The following FBXO36 variants were observed in gnomAD, a reference collection of about 807,000 sequenced individuals.
The protein encoded by FBXO36 is F-box only protein 36.
Under a neutral mutation model 17.0 loss-of-function variants are expected in FBXO36, and 18 were observed. The ratio of observed to expected loss-of-function variants is 1.06; its 90% confidence interval spans 0.73 to 1.57. The LOEUF (loss-of-function observed/expected upper bound fraction) is 1.57, where lower values mean the gene tolerates loss of function less well. Among genes scored for constraint, FBXO36 ranks in the 40% most tolerant of loss-of-function variants. The pLI is 0.00. For missense variants in FBXO36, 229 were observed against 221.9 expected (o/e 1.03, Z -0.20); for synonymous variants, 83 against 85.3 (o/e 0.97, Z 0.15).
intron 1 of FBXO36, among the ~76,000 whole-genome samples, chr2:229,933,125 C>T (rs572881556): frequency 5.3e-5 from 8 of 152,050 alleles, no homozygotes; most frequent in Non-Finnish European, 1.0e-4. Flanking sequence ...AGGCTGGGCA[C>T]GGTGGCTCAC....
Position 230,008,312 on chromosome 2 carries a change from C to T in FBXO36, c.379-2384C>T, listed in dbSNP as rs575224919. Among the ~76,000 whole-genome samples the T allele has an allele frequency of 2.4e-4, 36 of 152,238 alleles. No homozygotes were observed. In the East Asian group the frequency reaches 5.0e-3, roughly 21 times the overall value. On this transcript the variant is annotated intron_variant, in intron 3 of 3. Coordinates refer to ENST00000283946, the MANE Select transcript of FBXO36 (RefSeq NM_174899.5). ...TTTTAAATAGATAAGCCCTAAGATT[C>T]TCTTCAACTTGACAATTTATGTATG...
chr2:229,973,956 G>A (rs1017391605), intron 1 of FBXO36, among the ~76,000 whole-genome samples: 4 of 151,476 alleles, frequency 2.6e-5, no homozygotes, highest in African/African-American at 9.7e-5. Flanking sequence ...AGGCTGAGAT[G>A]AGAGAATCAC....
At chr2:229,935,005 A>G (rs887989254) in intron 1 of FBXO36, among the ~76,000 whole-genome samples, 5 of 152,174 alleles carry the variant, frequency 3.3e-5, no homozygotes, top group Admixed American at 3.3e-4. Flanking sequence ...CCTCCTCTTT[A>G]GAAATATTTT....
intron 1 of FBXO36, among the ~76,000 whole-genome samples, chr2:229,936,850 G>A (rs935416505): frequency 3.3e-5 from 5 of 152,148 alleles, no homozygotes; most frequent in African/African-American, 1.2e-4. Flanking sequence ...CAGCCTGGGT[G>A]ACAGATCAAG....
At position 229,963,444 on chromosome 2, in the gene FBXO36, C is replaced by CTT. The variant is rs757351541; in HGVS notation, c.97-12781_97-12780dup. 2.4e-3 allele frequency among the ~76,000 whole-genome samples: 310 copies of CTT among 129,210 alleles called. 4 individuals carry two copies. The highest frequency in any genetic ancestry group is 8.7e-3 in the African/African-American group (291 of 33,518). The allele number at this position is 129,210 out of a possible 152,430, so 84.8% of individuals were successfully genotyped here. ...CATGTATCCTTTGCATTTCTTTTTT[C>CTT]TTTTTTTTTTTTTTTTTCGAGGCGG... is the stretch of plus-strand genomic sequence containing the variant. On this transcript the variant is annotated intron_variant, in intron 1 of 3. Transcript: ENST00000283946.
intron 1 of FBXO36, among the ~76,000 whole-genome samples, chr2:229,948,034 C>A (rs2077036559): frequency 6.6e-6 from 1 of 151,900 alleles, no homozygotes; most frequent in African/African-American, 2.4e-5. Context: ...TGTGGTGGCT[C>A]ACGCCATTAA....
At chr2:229,922,685 C>A in intron 1 of FBXO36, 76 bp downstream of exon 1, 1 of 1,495,376 alleles carries the variant, frequency 6.7e-7, no homozygotes, top group Non-Finnish European at 9.2e-7. Flanking sequence ...GCAGGCTGTG[C>A]TAGGCCAAGA....
intron 1 of FBXO36, among the ~76,000 whole-genome samples, chr2:229,924,794 C>T (rs2154386816): frequency 6.6e-6 from 1 of 151,056 alleles, no homozygotes; most frequent in African/African-American, 2.4e-5. Context: ...TTTGAGGCAG[C>T]GTCTCGCACT....
At chr2:229,969,674 ACT>A (rs1212302252) in intron 1 of FBXO36, among the ~76,000 whole-genome samples, 2 of 152,018 alleles carry the variant, frequency 1.3e-5, no homozygotes, top group East Asian at 3.9e-4. Flanking sequence ...GGTGACAGAG[ACT>A]CTGTCTCAGA....
chr2:229,978,310 C>T (rs569523447), intron 2 of FBXO36, among the ~76,000 whole-genome samples: 9 of 149,496 alleles, frequency 6.0e-5, no homozygotes, highest in South Asian at 4.3e-4. Context: ...TAGCTGGGCA[C>T]GGTGGCTCAC....
At chr2:229,992,054 T>C (rs564942941) in intron 2 of FBXO36, among the ~76,000 whole-genome samples, 2 of 152,316 alleles carry the variant, frequency 1.3e-5, no homozygotes, top group South Asian at 4.1e-4. Context: ...TTTTCTCTTA[T>C]CTTTTACTTT....
At chr2:229,950,113 G>A (rs1286563579) in intron 1 of FBXO36, among the ~76,000 whole-genome samples, 2 of 152,084 alleles carry the variant, frequency 1.3e-5, no homozygotes, top group African/African-American at 4.8e-5. Context: ...CAAGAGCAGT[G>A]AGACCAGGAG....
chr2:229,963,761 A>G (rs1249231791), intron 1 of FBXO36, among the ~76,000 whole-genome samples: 1 of 152,088 alleles, frequency 6.6e-6, no homozygotes, highest in East Asian at 1.9e-4. Context: ...TGTGTTTCTT[A>G]TGTGTGGCAC....
chr2:229,970,755 T>A (rs751277606), intron 1 of FBXO36, among the ~76,000 whole-genome samples: 23 of 152,200 alleles, frequency 1.5e-4, no homozygotes, highest in Admixed American at 3.9e-4. Context: ...ACTTATATTT[T>A]CCTTTTTTAG....
intron 1 of FBXO36, among the ~76,000 whole-genome samples, chr2:229,928,262 C>G (rs1041287613): frequency 1.3e-5 from 2 of 152,154 alleles, no homozygotes; most frequent in Non-Finnish European, 2.9e-5. Flanking sequence ...CAAATAAAAT[C>G]TTTAGCAAGA....
At chr2:229,925,271 C>CTAAT (rs1233658066) in intron 1 of FBXO36, among the ~76,000 whole-genome samples, 1 of 152,016 alleles carries the variant, frequency 6.6e-6, no homozygotes, top group African/African-American at 2.4e-5. Context: ...AATCTCCAAG[C>CTAAT]TAATTAATTC....
At chr2:229,980,763 G>A (rs144588763) in intron 2 of FBXO36, among the ~76,000 whole-genome samples, 1 of 152,196 alleles carries the variant, frequency 6.6e-6, no homozygotes, top group Non-Finnish European at 1.5e-5. Flanking sequence ...TGTTCCTGCT[G>A]GACAGCAGGA....
intron 2 of FBXO36, among the ~76,000 whole-genome samples, chr2:229,993,229 A>G (rs538840394): frequency 6.6e-6 from 1 of 152,298 alleles, no homozygotes; most frequent in East Asian, 1.9e-4. Flanking sequence ...ATCTCTATTA[A>G]CAGAGCTAGA....
At chr2:229,976,090 A>G (rs1003423521) in intron 1 of FBXO36, 151 bp from the exon 2 acceptor site, 1 of 560,566 alleles carries the variant, frequency 1.8e-6, no homozygotes, top group Admixed American at 3.2e-5. Flanking sequence ...TGATGCCCAG[A>G]GGTTAATTCT....
Sources: gnomAD v4.1 joint callset for allele counts (sites outside exome capture counted in the v4.1 genomes callset) on GRCh38, gnomAD v4.1.1 for gene constraint, MANE v1.5 for transcripts, NCBI Gene and HGNC (gene_info 2026-07-23, HGNC 2026-07-21) for gene names.